The following TENM2 variants were observed in gnomAD, a reference collection of about 807,000 sequenced individuals.
TENM2 encodes teneurin-2.
TENM2 carries 52 observed loss-of-function variants against 245.2 expected under a neutral mutation model. The observed-to-expected ratio is 0.21, with a 90% confidence interval of 0.17 to 0.27. The LOEUF (loss-of-function observed/expected upper bound fraction) is 0.27, where lower values mean the gene tolerates loss of function less well. TENM2 is among the 10% of genes least tolerant of loss of function. The probability of loss-of-function intolerance (pLI) is 1.00; values close to 1 mark genes in which losing one functional copy is unlikely to be tolerated. For missense variants in TENM2, 3,046 were observed against 3,666.8 expected, an observed-to-expected ratio of 0.83 and a Z score of 4.37; for synonymous variants, 1,363 against 1,438.9, an observed-to-expected ratio of 0.95 and a Z score of 1.19.
At chr5:167,282,824 G>T (rs762259694), upstream of TENM2, among the ~76,000 whole-genome samples, 15 of 152,054 alleles carry the variant, frequency 9.9e-5, no homozygotes, top group Non-Finnish European at 1.8e-4. Flanking sequence ...TTGCCTTAAT[G>T]TGGAGACACT....
At chr5:167,671,832 T>C (rs892024889) in intron 2 of TENM2, among the ~76,000 whole-genome samples, 1 of 151,534 alleles carries the variant, frequency 6.6e-6, no homozygotes, top group African/African-American at 2.4e-5. Context: ...CTAACAATTA[T>C]ACACAATTCC....
the TENM2 span, among the ~76,000 whole-genome samples, chr5:167,172,293 T>G: frequency 6.6e-6 from 1 of 152,224 alleles, no homozygotes; most frequent in Non-Finnish European, 1.5e-5. Flanking sequence ...AATTGTACCC[T>G]TATATCCAGA....
rs780791469 is a variant in TENM2, at chr5:167,452,013, A to G, written c.502+76540A>G. Among the ~76,000 whole-genome samples, 30 of 152,182 alleles carry G rather than the reference A, an allele frequency of 2.0e-4. 1 individual carries two copies. Among genetic ancestry groups the G allele is most frequent in the Non-Finnish European group, 3.4e-4 (23 of 68,024 alleles). ...TCCTCAAAATTGGGGGAGAAAGGTG[A>G]TGGAGTTTTCTATAACTTAAAAAGA... On this transcript the variant is annotated intron_variant, in intron 2 of 28. Transcript: ENST00000518659.
rs147809198 is a variant in TENM2 at position 167,323,520 on chromosome 5, G to GT, written c.226+38463dup. ...TCCTCTGAATATCTAACACCTCTGA[G>GT]TTTTTTGTTATATTTTTTTCCTAAA... On this transcript the variant is annotated intron_variant, in intron 1 of 28. Transcript: ENST00000518659. 5.4e-3 allele frequency among the ~76,000 whole-genome samples: 819 copies of GT among 152,120 alleles called. 9 individuals carry two copies. The highest frequency in any genetic ancestry group is 0.019 in the African/African-American group (771 of 41,492).
chr5:167,235,352 C>T, the TENM2 span, among the ~76,000 whole-genome samples: 1 of 152,142 alleles, frequency 6.6e-6, no homozygotes, highest in Admixed American at 6.5e-5. Flanking sequence ...TTTGGGGGAA[C>T]ACAATTCAGC....
At chr5:167,116,599 T>C in the TENM2 span, 26 of 152,140 alleles carry the variant, frequency 1.7e-4, no homozygotes, top group African/African-American at 6.3e-4. Flanking sequence ...CTCCAACCTT[T>C]GGGTAGCCTG....
At chr5:168,106,290 G>A (rs1013526398) in intron 9 of TENM2, among the ~76,000 whole-genome samples, 1 of 152,056 alleles carries the variant, frequency 6.6e-6, no homozygotes, top group African/African-American at 2.4e-5. Context: ...CCGTTAACTG[G>A]CAAATGTTCC....
intron 2 of TENM2, among the ~76,000 whole-genome samples, chr5:167,838,050 G>A (rs72835612): frequency 0.13 from 19,324 of 152,180 alleles, 2,398 homozygotes; most frequent in East Asian, 0.54. Flanking sequence ...AAGAAATACC[G>A]ACTTGAACCA....
chr5:167,972,977 A>T (rs1227548863), intron 4 of TENM2, among the ~76,000 whole-genome samples: 1 of 152,100 alleles, frequency 6.6e-6, no homozygotes, highest in Non-Finnish European at 1.5e-5. Context: ...GGCCTACGTG[A>T]TTCAAAACTC....
At chr5:168,232,119 A>G (rs1764981833) in intron 25 of TENM2, among the ~76,000 whole-genome samples, 1 of 152,236 alleles carries the variant, frequency 6.6e-6, no homozygotes, top group Non-Finnish European at 1.5e-5. Context: ...AGGAAGACAG[A>G]TGAGAAGGGG....
At chr5:167,505,620 G>A (rs1316399599) in intron 2 of TENM2, among the ~76,000 whole-genome samples, 2 of 152,178 alleles carry the variant, frequency 1.3e-5, no homozygotes, top group Non-Finnish European at 2.9e-5. Context: ...AAGTAAACAG[G>A]AGGTGGGAGT....
chr5:168,219,695 A>G (rs567617818), intron 23 of TENM2, among the ~76,000 whole-genome samples: 6 of 152,100 alleles, frequency 3.9e-5, no homozygotes, highest in African/African-American at 1.4e-4. Context: ...AGCAGAATTT[A>G]TAAATATCTG....
At chr5:167,400,425 G>C (rs933182534) in intron 2 of TENM2, among the ~76,000 whole-genome samples, 4 of 152,046 alleles carry the variant, frequency 2.6e-5, no homozygotes, top group African/African-American at 9.7e-5. Context: ...ATGAGATGGA[G>C]GGTAGGAGGA....
chr5:168,169,006 A>G (rs1455605212), intron 13 of TENM2, among the ~76,000 whole-genome samples: 1 of 152,208 alleles, frequency 6.6e-6, no homozygotes, highest in African/African-American at 2.4e-5. Context: ...CTATCCATCT[A>G]CAAAGATGGA....
chr5:167,077,590 A>G, the TENM2 span, among the ~76,000 whole-genome samples: 1 of 152,204 alleles, frequency 6.6e-6, no homozygotes, highest in Admixed American at 6.5e-5. Context: ...ATAAGCCATG[A>G]TTTAGTAAAT....
chr5:167,854,798 A>C (rs2151233317), intron 2 of TENM2, among the ~76,000 whole-genome samples: 1 of 152,232 alleles, frequency 6.6e-6, no homozygotes, highest in South Asian at 2.1e-4. Flanking sequence ...TTTCTCTCAA[A>C]CCCACATTAA....
chr5:167,829,250 G>A (rs1583122627), intron 2 of TENM2, among the ~76,000 whole-genome samples: 2 of 152,244 alleles, frequency 1.3e-5, no homozygotes, highest in Admixed American at 6.5e-5. Flanking sequence ...AGGTCCCAGA[G>A]CTGCATATCA....
chr5:167,227,343 G>T, the TENM2 span, among the ~76,000 whole-genome samples: 1 of 151,924 alleles, frequency 6.6e-6, no homozygotes, highest in Non-Finnish European at 1.5e-5. Context: ...TTGTGTGTTT[G>T]GTTTATCAGT....
chr5:168,023,981 A>G (rs1786389966), intron 5 of TENM2, among the ~76,000 whole-genome samples: 2 of 152,184 alleles, frequency 1.3e-5, no homozygotes, highest in Admixed American at 6.5e-5. Context: ...GTATACATAT[A>G]TAGAGAGAGA....
Sources: allele counts gnomAD v4.1 joint callset (sites outside exome capture counted in the v4.1 genomes callset), GRCh38; gene constraint gnomAD v4.1.1; transcripts MANE v1.5; gene names NCBI Gene and HGNC (gene_info 2026-07-23, HGNC 2026-07-21).